EBF1: variants seen among roughly 807,000 people sequenced by gnomAD.
EBF1 encodes the protein EBF transcription factor 1.
Under a neutral mutation model 68.4 loss-of-function variants are expected in EBF1, and 10 were observed. The observed-to-expected ratio is 0.15, with a 90% CI of 0.09 to 0.25. The LOEUF (loss-of-function observed/expected upper bound fraction) is 0.25. Ranked by LOEUF, EBF1 falls within the 10% of genes least tolerant of loss-of-function variation. EBF1 has a pLI of 1.00. For synonymous variants in EBF1, 298 were observed against 299.8 expected (o/e 0.99, Z 0.06); for missense variants, 509 against 794.4 (o/e 0.64, Z 4.32).
At chr5:158,742,775 A>T (rs1766698344) in intron 10 of EBF1, among the ~76,000 whole-genome samples, 1 of 152,152 alleles carries the variant, frequency 6.6e-6, no homozygotes, top group African/African-American at 2.4e-5. Flanking sequence ...GTTCTCAAAT[A>T]TTACCCTGAA....
intron 2 of EBF1, 35 bp downstream of exon 2, chr5:159,096,932 GCCGAGCC>G: frequency 6.2e-7 from 1 of 1,604,670 alleles, no homozygotes; most frequent in Non-Finnish European, 8.5e-7. Context: ...CTGCTCCCGA[GCCGAGCC>G]GGGGACGAGG....
intron 6 of EBF1, among the ~76,000 whole-genome samples, chr5:158,988,672 C>T (rs995484493): frequency 2.0e-5 from 3 of 152,054 alleles, no homozygotes; most frequent in African/African-American, 7.2e-5. Context: ...TTTAAATAGG[C>T]CCATTGTTCT....
intron 6 of EBF1, chr5:158,983,329 T>A (rs939791201): frequency 6.6e-6 from 1 of 152,192 alleles, no homozygotes; most frequent in Non-Finnish European, 1.5e-5. Flanking sequence ...TATTCACTTA[T>A]TAAGTTCTCT....
intron 6 of EBF1, among the ~76,000 whole-genome samples, chr5:158,977,570 G>A (rs959509342): frequency 6.6e-6 from 1 of 152,132 alleles, no homozygotes; most frequent in Non-Finnish European, 1.5e-5. Context: ...AGAAAATTTA[G>A]CATCCTATCA....
chr5:158,699,210 AG>A, intron 15 of EBF1, 68 bp from the exon 16 acceptor site: 1 of 1,488,918 alleles, frequency 6.7e-7, no homozygotes, highest in Admixed American at 2.1e-5. Context: ...AAAATAATGA[AG>A]ACTAAAAAAA....
chr5:158,750,006 T>A (rs1173922352), intron 10 of EBF1, among the ~76,000 whole-genome samples: 3 of 152,104 alleles, frequency 2.0e-5, no homozygotes, highest in African/African-American at 7.2e-5. Context: ...TTATCTCCCT[T>A]TGGACAATGA....
chr5:158,726,329 G>A (rs1762978909), intron 11 of EBF1, among the ~76,000 whole-genome samples: 1 of 152,114 alleles, frequency 6.6e-6, no homozygotes, highest in Non-Finnish European at 1.5e-5. Context: ...CATAAAAGAT[G>A]AATATAAATG....
Position 158,778,326 on chromosome 5 carries a change from G to A in EBF1, c.910-787C>T, listed in dbSNP as rs140228562. Reference sequence around the variant, plus strand: ...ATGGCCATAAAACTGGCATTATCTGGTTCTTTGAAAAATCCAGCCCTGGTA... The same window carrying A: ...ATGGCCATAAAACTGGCATTATCTGATTCTTTGAAAAATCCAGCCCTGGTA... On this transcript the variant is annotated intron_variant, in intron 9 of 15. Transcript: ENST00000313708. Among the ~76,000 whole-genome samples the A allele has an allele frequency of 7.5e-3, 1,134 of 152,180 alleles. 19 individuals are homozygous for A. The highest frequency in any genetic ancestry group is 0.026 in the African/African-American group (1,085 of 41,522).
intron 4 of EBF1, among the ~76,000 whole-genome samples, chr5:159,090,511 A>G (rs1781437097): frequency 6.6e-6 from 1 of 152,176 alleles, no homozygotes; most frequent in Non-Finnish European, 1.5e-5. Context: ...CCGTTTTCAG[A>G]AGTGAATTAG....
At chr5:158,955,248 G>A (rs1369772280) in intron 6 of EBF1, among the ~76,000 whole-genome samples, 4 of 152,056 alleles carry the variant, frequency 2.6e-5, no homozygotes, top group African/African-American at 7.2e-5. Flanking sequence ...GCTTGAATCC[G>A]GGAGGCAGGG....
intron 6 of EBF1, among the ~76,000 whole-genome samples, chr5:159,063,502 A>G (rs989402433): frequency 6.6e-6 from 1 of 152,200 alleles, no homozygotes; most frequent in South Asian, 2.1e-4. Context: ...TGCTATTACT[A>G]TTCCAACTAT....
chr5:158,773,685 G>C (rs983855096), intron 10 of EBF1, among the ~76,000 whole-genome samples: 1 of 151,960 alleles, frequency 6.6e-6, no homozygotes, highest in Non-Finnish European at 1.5e-5. Context: ...TTTGGAATTG[G>C]CCGCTTCTTA....
chr5:159,094,194 A>AAAAAAG, intron 4 of EBF1, among the ~76,000 whole-genome samples: 1 of 130,104 alleles, frequency 7.7e-6, no homozygotes, highest in Non-Finnish European at 1.6e-5. Context: ...AAAAAAAAAA[A>AAAAAAG]CACAGTGTCC....
At chr5:158,883,111 TA>T (rs397939250) in intron 6 of EBF1, among the ~76,000 whole-genome samples, 108 of 147,798 alleles carry the variant, frequency 7.3e-4, no homozygotes, top group Non-Finnish European at 1.3e-3. Flanking sequence ...TATGTAATGT[TA>T]AAAAAAAAAG....
intron 8 of EBF1, among the ~76,000 whole-genome samples, chr5:158,797,649 T>C (rs1188958535): frequency 2.0e-5 from 3 of 152,166 alleles, no homozygotes; most frequent in East Asian, 1.9e-4. Flanking sequence ...GGAAAGAAAA[T>C]ATTAAGTCCA....
At chr5:158,903,049 G>A (rs1018098824) in intron 6 of EBF1, among the ~76,000 whole-genome samples, 6 of 152,268 alleles carry the variant, frequency 3.9e-5, no homozygotes, top group African/African-American at 7.2e-5. Flanking sequence ...TTCAGTTCAC[G>A]AAACTTTGGA....
At chr5:158,921,322 G>A (rs1808385881) in intron 6 of EBF1, among the ~76,000 whole-genome samples, 1 of 152,150 alleles carries the variant, frequency 6.6e-6, no homozygotes, top group Non-Finnish European at 1.5e-5. Context: ...CTTAGACCCA[G>A]TGCATATAAT....
In EBF1 at chr5:158,748,884, T is replaced by C. The variant is rs1399423156; in HGVS notation, c.1037-17727A>G. ...ATAGAGCCTGGCAGATGTAAAAGGA[T>C]GGTATAATGATCAAAGGAGGGGGGA... is the stretch of plus-strand genomic sequence containing the variant. On this transcript the variant is annotated intron_variant, in intron 10 of 15. Coordinates refer to ENST00000313708, the MANE Select transcript of EBF1 (RefSeq NM_024007.5). 9.9e-5 allele frequency among the ~76,000 whole-genome samples: 15 copies of C among 152,068 alleles called. 1 individual carries two copies. Among genetic ancestry groups the C allele is most frequent in the Non-Finnish European group, 2.2e-4 (15 of 68,018 alleles).
chr5:158,819,936 T>C (rs1784499834), intron 8 of EBF1, among the ~76,000 whole-genome samples: 1 of 152,122 alleles, frequency 6.6e-6, no homozygotes, highest in Middle Eastern at 3.2e-3. Flanking sequence ...TAAATTTGCC[T>C]TTGTCAACTC....
Sources: gnomAD v4.1 joint callset for allele counts (sites outside exome capture counted in the v4.1 genomes callset) on GRCh38, gnomAD v4.1.1 for gene constraint, MANE v1.5 for transcripts, NCBI Gene and HGNC (gene_info 2026-07-23, HGNC 2026-07-21) for gene names.